CAST: variants seen among roughly 807,000 people sequenced by gnomAD.
CAST encodes the protein MIR583 host.
In CAST, 76 loss-of-function variants were observed where a neutral mutation model predicts 119.6. The ratio of observed to expected loss-of-function variants is 0.64; its 90% CI spans 0.53 to 0.77. The LOEUF is 0.77. Ranked by LOEUF, CAST falls within the 30% of genes least tolerant of loss-of-function variation. CAST has a pLI of 0.00. For synonymous variants in CAST, 319 were observed against 331.6 expected (o/e 0.96, Z 0.41); for missense variants, 953 against 946.5 (o/e 1.01, Z -0.09).
intron 1 of CAST, among the ~76,000 whole-genome samples, chr5:96,561,796 G>GTTTTTTTGTTTTTTT (rs1267067922): frequency 7.2e-5 from 7 of 97,402 alleles, no homozygotes; most frequent in African/African-American, 1.9e-4. Flanking sequence ...GTTTTTTTTT[G>GTTTTTTTGTTTTTTT]TTTTTTTTTT....
At chr5:96,103,228 T>C in the CAST span, among the ~76,000 whole-genome samples, 3 of 152,244 alleles carry the variant, frequency 2.0e-5, no homozygotes, top group South Asian at 4.2e-4. Flanking sequence ...CTTTAAGTTT[T>C]AGGGTACATG....
intron 1 of CAST, among the ~76,000 whole-genome samples, chr5:96,632,947 T>C (rs1287719851): frequency 2.6e-5 from 4 of 152,172 alleles, no homozygotes; most frequent in Non-Finnish European, 4.4e-5. Flanking sequence ...TTATTCCATA[T>C]GTCATTTTTT....
chr5:96,378,429 T>C, the CAST span, among the ~76,000 whole-genome samples: 1 of 152,166 alleles, frequency 6.6e-6, no homozygotes, highest in Non-Finnish European at 1.5e-5. Flanking sequence ...ACAGTGTATA[T>C]GTATATCAAA....
chr5:96,310,562 CTT>C, the CAST span, among the ~76,000 whole-genome samples: 1 of 134,338 alleles, frequency 7.4e-6, no homozygotes. Context: ...AGGTCTTAGG[CTT>C]TTTTTTTTTT....
chr5:96,497,430 C>A, the CAST span, among the ~76,000 whole-genome samples: 2 of 152,188 alleles, frequency 1.3e-5, no homozygotes, highest in South Asian at 4.2e-4. Context: ...CCTGAGGAAT[C>A]GCCACACTGA....
the CAST span, among the ~76,000 whole-genome samples, chr5:96,420,255 C>T: frequency 1.3e-5 from 2 of 152,170 alleles, no homozygotes; most frequent in African/African-American, 4.8e-5. Context: ...TCTCCAAGGT[C>T]ACCCTTTACT....
chr5:96,102,337 C>T, the CAST span, among the ~76,000 whole-genome samples: 2 of 152,126 alleles, frequency 1.3e-5, no homozygotes, highest in African/African-American at 4.8e-5. Flanking sequence ...CTGGCTGGCT[C>T]TTCTCCGAAG....
chr5:96,058,384 G>GC, the CAST span, among the ~76,000 whole-genome samples: 2 of 152,130 alleles, frequency 1.3e-5, no homozygotes, highest in Non-Finnish European at 2.9e-5. Context: ...GTTTGTGGCT[G>GC]CATTGAAATT....
intron 1 of CAST, among the ~76,000 whole-genome samples, chr5:96,647,061 A>G (rs1445119193): frequency 2.6e-5 from 4 of 152,050 alleles, no homozygotes; most frequent in Non-Finnish European, 1.5e-5. Context: ...AAGTGGCTTG[A>G]CTTTTCTGCT....
chr5:96,486,871 C>T, the CAST span, among the ~76,000 whole-genome samples: 2 of 152,114 alleles, frequency 1.3e-5, no homozygotes, highest in Non-Finnish European at 2.9e-5. Context: ...TGACATGGAC[C>T]TCTAAGAGAT....
intron 1 of CAST, among the ~76,000 whole-genome samples, chr5:96,634,412 T>G (rs1747860222): frequency 1.3e-5 from 2 of 152,240 alleles, no homozygotes; most frequent in Non-Finnish European, 2.9e-5. Context: ...AAATACATAT[T>G]CACATATGTT....
At chr5:96,272,888 TA>T in the CAST span, among the ~76,000 whole-genome samples, 1 of 152,132 alleles carries the variant, frequency 6.6e-6, no homozygotes, top group African/African-American at 2.4e-5. Flanking sequence ...TATATATCAA[TA>T]AAAAAATAAA....
chr5:96,461,631 C>T, the CAST span, among the ~76,000 whole-genome samples: 27 of 151,912 alleles, frequency 1.8e-4, no homozygotes, highest in Non-Finnish European at 3.5e-4. Flanking sequence ...ATGCCTGGGT[C>T]TCTCATTTTG....
the CAST span, among the ~76,000 whole-genome samples, chr5:96,456,007 C>A: frequency 6.6e-6 from 1 of 152,054 alleles, no homozygotes; most frequent in African/African-American, 2.4e-5. Flanking sequence ...GGGTCCAAAA[C>A]AGAAAATGAA....
the CAST span, among the ~76,000 whole-genome samples, chr5:96,159,672 C>T: frequency 6.6e-6 from 1 of 152,138 alleles, no homozygotes; most frequent in Non-Finnish European, 1.5e-5. Flanking sequence ...TTTTTTTAGA[C>T]TCAGCATAAC....
chr5:96,485,756 G>A, the CAST span, among the ~76,000 whole-genome samples: 1 of 152,130 alleles, frequency 6.6e-6, no homozygotes, highest in Non-Finnish European at 1.5e-5. Context: ...AGAGAGCTCA[G>A]AGAATATATA....
the CAST span, among the ~76,000 whole-genome samples, chr5:96,193,301 C>A: frequency 2.6e-5 from 4 of 151,786 alleles, no homozygotes; most frequent in East Asian, 7.7e-4. Context: ...TGATATCATG[C>A]GATATTTATT....
chr5:96,237,668 A>AT, the CAST span, among the ~76,000 whole-genome samples: 1 of 151,850 alleles, frequency 6.6e-6, no homozygotes, highest in Non-Finnish European at 1.5e-5. Context: ...GGAAATTTGT[A>AT]TTTTTTTCTA....
At chr5:96,730,669 G>A in intron 8 of CAST, 111 bp from the exon 9 acceptor site, 1 of 762,678 alleles carries the variant, frequency 1.3e-6, no homozygotes, top group Non-Finnish European at 2.3e-6. Context: ...TTCCCTTATG[G>A]TGTCCGTGAG....
Sources: gnomAD v4.1 joint callset for allele counts (sites outside exome capture counted in the v4.1 genomes callset) on GRCh38, gnomAD v4.1.1 for gene constraint, MANE v1.5 for transcripts, NCBI Gene and HGNC (gene_info 2026-07-23, HGNC 2026-07-21) for gene names.